Variants in INSYN2B observed in about 807,000 individuals in gnomAD.
The protein encoded by INSYN2B is protein INSYN2B.
A neutral mutation model predicts 41.2 loss-of-function variants in INSYN2B; 16 were observed. That is an observed-to-expected ratio of 0.39 (90% CI 0.26 to 0.59). The LOEUF (loss-of-function observed/expected upper bound fraction) is 0.59. INSYN2B is among the 20% of genes least tolerant of loss of function. The pLI is 0.57. For missense variants in INSYN2B, 608 were observed against 646.4 expected (o/e 0.94, Z 0.64); for synonymous variants, 245 against 244.4 (o/e 1.00, Z -0.02).
intron 3 of INSYN2B, among the ~76,000 whole-genome samples, chr5:169,870,657 G>T (rs261022): frequency 0.022 from 3,407 of 151,916 alleles, 134 homozygotes; most frequent in African/African-American, 0.075. Flanking sequence ...CAATGTGCAG[G>T]TTTGTTACAC....
rs529622908 is a variant in INSYN2B, at chr5:169,941,329, G to A, written c.-919+38948C>T. On this transcript the variant is annotated intron_variant, in intron 1 of 3. Coordinates refer to ENST00000377365, the MANE Select transcript of INSYN2B (RefSeq NM_001129891.3). ...TTCAAGCAATTCTCCTGTCTCAGCC[G>A]CCCAAGTAGCTGGGATTACAGGCCT... is the stretch of plus-strand genomic sequence containing the variant. Among the ~76,000 whole-genome samples the A allele has an allele frequency of 5.1e-4, 77 of 152,182 alleles. No homozygotes were observed. In the South Asian group the frequency reaches 7.5e-3, roughly 15 times the overall value.
chr5:169,891,698 AAGTC>A (rs371668319), intron 1 of INSYN2B, among the ~76,000 whole-genome samples: 13 of 152,174 alleles, frequency 8.5e-5, no homozygotes, highest in African/African-American at 1.4e-4. Flanking sequence ...AAAAAGAACA[AAGTC>A]AGCCGGGCAC....
At chr5:169,901,908 C>T (rs1344356829) in intron 1 of INSYN2B, among the ~76,000 whole-genome samples, 1 of 152,200 alleles carries the variant, frequency 6.6e-6, no homozygotes, top group African/African-American at 2.4e-5. Context: ...CTTGCAAGAA[C>T]ACATGGCTCT....
At chr5:169,898,361 G>A (rs72842520) in intron 1 of INSYN2B, among the ~76,000 whole-genome samples, 2,070 of 152,262 alleles carry the variant, frequency 0.014, 21 homozygotes, top group Non-Finnish European at 0.02. Context: ...TGTACTGTAT[G>A]GTTAGGAGCA....
intron 1 of INSYN2B, among the ~76,000 whole-genome samples, chr5:169,896,922 G>T (rs2113562264): frequency 6.6e-6 from 1 of 152,268 alleles, no homozygotes; most frequent in Admixed American, 6.5e-5. Flanking sequence ...GAAAAACTGA[G>T]CATCAACTTT....
chr5:169,906,683 A>T (rs1774299950), intron 1 of INSYN2B, among the ~76,000 whole-genome samples: 1 of 152,050 alleles, frequency 6.6e-6, no homozygotes, highest in South Asian at 2.1e-4. Context: ...CACATACCTG[A>T]GCTGGAGCTG....
At chr5:169,866,891 T>C (rs1195272827) in intron 3 of INSYN2B, among the ~76,000 whole-genome samples, 1 of 152,188 alleles carries the variant, frequency 6.6e-6, no homozygotes, top group Non-Finnish European at 1.5e-5. Flanking sequence ...CAGTTGGGTG[T>C]CTTCCAATTC....
intron 1 of INSYN2B, among the ~76,000 whole-genome samples, chr5:169,955,626 A>G (rs1776834193): frequency 6.6e-6 from 1 of 152,198 alleles, no homozygotes; most frequent in African/African-American, 2.4e-5. Flanking sequence ...CCGTGTATGA[A>G]GCAGTATCAT....
At chr5:169,893,054 T>G (rs1773389735) in intron 1 of INSYN2B, among the ~76,000 whole-genome samples, 1 of 152,210 alleles carries the variant, frequency 6.6e-6, no homozygotes, top group African/African-American at 2.4e-5. Context: ...TAGCCCCTTC[T>G]CTTGCCTTCT....
chr5:169,922,114 G>C (rs1008650673), intron 1 of INSYN2B, among the ~76,000 whole-genome samples: 1 of 152,158 alleles, frequency 6.6e-6, no homozygotes, highest in East Asian at 1.9e-4. Context: ...ATTTGAGAGA[G>C]AACGTTAACA....
chr5:169,912,633 G>GTGTA (rs1774663902), intron 1 of INSYN2B, among the ~76,000 whole-genome samples: 1 of 151,976 alleles, frequency 6.6e-6, no homozygotes, highest in Admixed American at 6.6e-5. Context: ...GTGTGTGTGT[G>GTGTA]TGTGTGTGAG....
In INSYN2B at chr5:169,967,493, A is replaced by G. The variant is rs1279579691; in HGVS notation, c.-919+12784T>C. On this transcript the variant is annotated intron_variant, in intron 1 of 3. Coordinates refer to ENST00000377365, the MANE Select transcript of INSYN2B (RefSeq NM_001129891.3). ...TGTGTGGCCGGATGATAAAGTTTAA[A>G]GGGAAGAGTAGGAAGAGTGGAAGAA... is the stretch of plus-strand genomic sequence containing the variant. Among the ~76,000 whole-genome samples, 5 of 152,180 alleles carry G rather than the reference A, an allele frequency of 3.3e-5. No homozygotes were observed. In the East Asian group the frequency reaches 9.6e-4, roughly 29 times the overall value.
chr5:169,948,974 T>A (rs755915361), intron 1 of INSYN2B, among the ~76,000 whole-genome samples: 69 of 152,206 alleles, frequency 4.5e-4, no homozygotes, highest in Non-Finnish European at 7.6e-4. Context: ...CTATACTTTT[T>A]TATATGCATC....
Position 169,883,494 on chromosome 5 carries a change from GT to G in INSYN2B, c.404del (p.Asn135ThrfsTer17). 6.4e-7 allele frequency: 1 copy of G among 1,551,616 alleles called. No homozygotes were observed. Among genetic ancestry groups the G allele is most frequent in the Non-Finnish European group, 8.7e-7 (1 of 1,146,940 alleles). On this transcript the variant is annotated frameshift_variant, in exon 2 of 4. Coordinates refer to ENST00000377365, the MANE Select transcript of INSYN2B (RefSeq NM_001129891.3). LOFTEE classifies it high-confidence loss of function. The part of the protein sequence containing the change: ...PTASQSAIQV[N>X]GNLSEQDIVS... ...CAATGTCCTGTTCAGAGAGGTTACC[GT>G]TGACCTGGATGGCACTTTGGGAGGC...
At chr5:169,903,618 G>A (rs1391469747) in intron 1 of INSYN2B, among the ~76,000 whole-genome samples, 2 of 152,148 alleles carry the variant, frequency 1.3e-5, no homozygotes, top group Non-Finnish European at 2.9e-5. Context: ...AGGCCTCCAA[G>A]TATGGAGATA....
chr5:169,919,647 G>A (rs534519029), intron 1 of INSYN2B, among the ~76,000 whole-genome samples: 7 of 152,286 alleles, frequency 4.6e-5, no homozygotes, highest in South Asian at 4.1e-4. Context: ...GACAGTTATC[G>A]TGGGGTCTTT....
intron 1 of INSYN2B, among the ~76,000 whole-genome samples, chr5:169,973,612 G>C (rs770579933): frequency 1.3e-5 from 2 of 152,154 alleles, no homozygotes; most frequent in African/African-American, 2.4e-5. Flanking sequence ...GACTTAGGAT[G>C]TGTCCAGTGC....
chr5:169,940,712 G>T, intron 1 of INSYN2B, among the ~76,000 whole-genome samples: 1 of 152,158 alleles, frequency 6.6e-6, no homozygotes, highest in East Asian at 1.9e-4. Flanking sequence ...TCCCACCACT[G>T]ATCTGACAGG....
intron 1 of INSYN2B, among the ~76,000 whole-genome samples, chr5:169,915,528 T>A (rs1350413505): frequency 1.3e-5 from 2 of 150,912 alleles, no homozygotes; most frequent in Non-Finnish European, 2.9e-5. Context: ...CCTGGCTATA[T>A]AGAGAAAATA....
Sources: gnomAD v4.1 joint callset for allele counts (sites outside exome capture counted in the v4.1 genomes callset) on GRCh38, gnomAD v4.1.1 for gene constraint, MANE v1.5 for transcripts, NCBI Gene and HGNC (gene_info 2026-07-23, HGNC 2026-07-21) for gene names.